BAIAP2L1: variants seen among roughly 807,000 people sequenced by gnomAD.
BAIAP2L1 encodes the protein BAR/IMD domain containing adaptor protein 2 like 1.
In BAIAP2L1, 35 loss-of-function variants were observed where a neutral mutation model predicts 66.3. The ratio of observed to expected loss-of-function variants is 0.53; its 90% CI spans 0.40 to 0.70. The LOEUF (loss-of-function observed/expected upper bound fraction) is 0.70, where lower values mean the gene tolerates loss of function less well. Ranked by LOEUF, BAIAP2L1 falls within the 30% of genes least tolerant of loss-of-function variation. The probability of loss-of-function intolerance (pLI) is 0.00; values close to 1 mark genes in which losing one functional copy is unlikely to be tolerated. For missense variants in BAIAP2L1, 622 were observed against 656.9 expected (o/e 0.95, Z 0.58); for synonymous variants, 269 against 248.7 (o/e 1.08, Z -0.77).
At chr7:98,385,096 C>T (rs1348935422) in intron 1 of BAIAP2L1, among the ~76,000 whole-genome samples, 2 of 151,892 alleles carry the variant, frequency 1.3e-5, no homozygotes, top group African/African-American at 4.8e-5. Flanking sequence ...TCACTTGAGG[C>T]CAGGAATTCA....
chr7:98,369,777 C>G (rs1306324107), intron 1 of BAIAP2L1, among the ~76,000 whole-genome samples: 1 of 149,066 alleles, frequency 6.7e-6, no homozygotes, highest in East Asian at 2.0e-4. Context: ...GTTCACGCAA[C>G]TCTTGTGCCT....
chr7:98,361,813 A>G (rs6965424), intron 2 of BAIAP2L1, among the ~76,000 whole-genome samples: 120,508 of 152,020 alleles, frequency 0.79, 47,920 homozygotes, highest in Non-Finnish European at 0.82. Flanking sequence ...ACAGCTCATT[A>G]CAGCCTCAGC....
At chr7:98,299,271 G>A (rs533975888) in intron 12 of BAIAP2L1, among the ~76,000 whole-genome samples, 3 of 151,952 alleles carry the variant, frequency 2.0e-5, no homozygotes, top group East Asian at 2.0e-4. Context: ...CACCTGCCTC[G>A]GCCTCCCAAG....
chr7:98,297,243 A>T (rs1219608638), intron 12 of BAIAP2L1, among the ~76,000 whole-genome samples: 1 of 152,216 alleles, frequency 6.6e-6, no homozygotes, highest in Non-Finnish European at 1.5e-5. Context: ...ACACTGGCTG[A>T]CCACCCATCA....
Position 98,292,927 on chromosome 7 carries a change from C to T in BAIAP2L1, c.*594G>A. On this transcript the variant is annotated 3_prime_UTR_variant, in exon 14 of 14. Coordinates refer to ENST00000005260, the MANE Select transcript of BAIAP2L1 (RefSeq NM_018842.5). The stretch of plus-strand genomic sequence containing the variant: ...GCTGTGATAAGGGCAGGCAAAGCGT[C>T]TTAGCACTCTACAGCTCTGGCGTGG... The T allele has an allele frequency of 7.3e-7, 1 of 1,377,372 alleles. No homozygotes were observed. The highest frequency in any genetic ancestry group is 9.4e-7 in the Non-Finnish European group (1 of 1,066,992). The allele number at this position is 1,377,372 out of a possible 1,614,324, so 85.3% of individuals were successfully genotyped here. A position where few individuals can be genotyped will look rare whatever the true frequency, so the allele number is the denominator to read the frequency against.
chr7:98,296,320 A>G (rs1292319995), intron 12 of BAIAP2L1, among the ~76,000 whole-genome samples: 1 of 152,196 alleles, frequency 6.6e-6, no homozygotes, highest in East Asian at 1.9e-4. Flanking sequence ...CTGTAATACA[A>G]TGTTTACTTT....
intron 2 of BAIAP2L1, among the ~76,000 whole-genome samples, chr7:98,362,149 T>TA (rs1802280858): frequency 6.6e-6 from 1 of 152,192 alleles, no homozygotes; most frequent in South Asian, 2.1e-4. Flanking sequence ...AGACATCACT[T>TA]AGAGTACCCT....
chr7:98,327,011 G>C (rs1012799822), intron 3 of BAIAP2L1, among the ~76,000 whole-genome samples: 4 of 152,158 alleles, frequency 2.6e-5, no homozygotes, highest in African/African-American at 9.7e-5. Flanking sequence ...GACTTGGACA[G>C]TATTCCAGCT....
At chr7:98,355,017 A>C in intron 3 of BAIAP2L1, 25 bp downstream of exon 3, 1 of 1,572,698 alleles carries the variant, frequency 6.4e-7, no homozygotes, top group Non-Finnish European at 8.8e-7. Flanking sequence ...AGTGGGGTTT[A>C]TGTATAAAGG....
intron 3 of BAIAP2L1, among the ~76,000 whole-genome samples, chr7:98,344,495 T>C (rs1471173039): frequency 6.6e-6 from 1 of 152,154 alleles, no homozygotes; most frequent in Non-Finnish European, 1.5e-5. Context: ...ACCTTTTATT[T>C]TAAGGAGGAA....
chr7:98,337,233 C>T (rs921780239), intron 3 of BAIAP2L1, among the ~76,000 whole-genome samples: 2 of 149,546 alleles, frequency 1.3e-5, no homozygotes, highest in Non-Finnish European at 3.0e-5. Context: ...TTTTCAGATA[C>T]CATTTTTTTT....
chr7:98,320,418 C>T (rs1461793896), intron 3 of BAIAP2L1, 120 bp from the exon 4 acceptor site: 8 of 696,844 alleles, frequency 1.1e-5, no homozygotes, highest in Middle Eastern at 2.7e-4. Context: ...CCGCTGCAAC[C>T]TCCGCCTCCC....
intron 9 of BAIAP2L1, chr7:98,308,097 G>T: frequency 1.4e-6 from 1 of 691,272 alleles, no homozygotes; most frequent in Non-Finnish European, 2.6e-6. Context: ...GCAGCGTGCA[G>T]CCTGAAGGCA....
intron 3 of BAIAP2L1, among the ~76,000 whole-genome samples, chr7:98,321,118 C>T (rs1410684323): frequency 2.0e-5 from 3 of 152,120 alleles, no homozygotes; most frequent in Non-Finnish European, 4.4e-5. Flanking sequence ...CTCAGCCTCC[C>T]AAAGTGCTGG....
intron 2 of BAIAP2L1, among the ~76,000 whole-genome samples, chr7:98,356,393 CCA>C (rs1180618203): frequency 1.1e-4 from 16 of 152,272 alleles, no homozygotes; most frequent in African/African-American, 3.6e-4. Flanking sequence ...GCTTTGGAGA[CCA>C]CACAGTTTTG....
intron 1 of BAIAP2L1, among the ~76,000 whole-genome samples, chr7:98,381,746 T>C (rs1802763876): frequency 6.6e-6 from 1 of 152,120 alleles, no homozygotes; most frequent in Non-Finnish European, 1.5e-5. Context: ...CCCTACTCAC[T>C]TAGGCAGCAA....
At chr7:98,353,421 ATATT>A (rs1274188660) in intron 3 of BAIAP2L1, among the ~76,000 whole-genome samples, 1 of 135,930 alleles carries the variant, frequency 7.4e-6, no homozygotes, top group Non-Finnish European at 1.5e-5. Context: ...TATTATAAAT[ATATT>A]TATATTATAT....
At chr7:98,390,593 A>G (rs1803013113) in intron 1 of BAIAP2L1, among the ~76,000 whole-genome samples, 1 of 151,602 alleles carries the variant, frequency 6.6e-6, no homozygotes, top group African/African-American at 2.4e-5. Flanking sequence ...TTAGCCAGGC[A>G]TGGTGGTGGG....
Position 98,399,630 on chromosome 7 carries a change from C to T in BAIAP2L1, c.51+1172G>A, listed in dbSNP as rs1584514200. Among the ~76,000 whole-genome samples, 6 of 152,276 alleles carry T rather than the reference C, an allele frequency of 3.9e-5. No homozygotes were observed. In the South Asian group the frequency reaches 1.2e-3, roughly 32 times the overall value. ...GTTAAAGTTTCAAGGGTTCGAAGCG[C>T]CTAGGCTGAATTAAAACAAAAGTTG... On this transcript the variant is annotated intron_variant, in intron 1 of 13. Transcript: ENST00000005260.
Sources: gnomAD v4.1 joint callset for allele counts (sites outside exome capture counted in the v4.1 genomes callset) on GRCh38, gnomAD v4.1.1 for gene constraint, MANE v1.5 for transcripts, NCBI Gene and HGNC (gene_info 2026-07-23, HGNC 2026-07-21) for gene names.